The following KDM6A variants were observed in gnomAD, a reference collection of about 807,000 sequenced individuals.
KDM6A encodes lysine demethylase 6A.
In KDM6A, 11 loss-of-function variants were observed where a neutral mutation model predicts 117.6. The observed-to-expected ratio is 0.09, with a 90% CI of 0.06 to 0.15. The LOEUF (loss-of-function observed/expected upper bound fraction) is 0.15, where lower values mean the gene tolerates loss of function less well. KDM6A is among the 10% of genes least tolerant of loss of function. The pLI, the probability that KDM6A is intolerant of heterozygous loss-of-function variation, is 1.00. For missense variants in KDM6A, 799 were observed against 1,077.3 expected (o/e 0.74, Z 3.62); for synonymous variants, 384 against 396.1 (o/e 0.97, Z 0.36).
At chrX:45,049,765 T>C (rs2043749262) in intron 8 of KDM6A, among the ~76,000 whole-genome samples, 1 of 112,348 alleles carries the variant, frequency 8.9e-6, no homozygotes, top group South Asian at 3.7e-4. Flanking sequence ...TCCAGCCTGC[T>C]AGTACTCTAA....
chrX:44,971,454 T>C (rs1282825319), intron 3 of KDM6A, among the ~76,000 whole-genome samples: 2 of 112,438 alleles, frequency 1.8e-5, no homozygotes, highest in African/African-American at 6.5e-5. Context: ...TATATGATTT[T>C]ATATATATTT....
rs188187305 is a variant in KDM6A at position 44,970,073 on chromosome X, C to T, written c.335-4593C>T. Among the ~76,000 whole-genome samples the T allele has an allele frequency of 1.1e-4, 12 of 112,021 alleles. No homozygotes were observed. The East Asian group carries it at 3.3e-3, about 31-fold the overall frequency. On this transcript the variant is annotated intron_variant, in intron 3 of 29. Coordinates refer to ENST00000611820, the MANE Select transcript of KDM6A (RefSeq NM_001291415.2). ...GGTGATGGGTACTTGCATACTGCAC[C>T]TTTAGAGTTTTAATGATTTTTTTTC...
chrX:44,928,212 A>G (rs1448268333), intron 2 of KDM6A, among the ~76,000 whole-genome samples: 1 of 112,414 alleles, frequency 8.9e-6, no homozygotes, highest in Non-Finnish European at 1.9e-5. Flanking sequence ...CTGAAAAGTG[A>G]TAACTACATT....
chrX:45,106,977 T>G, intron 27 of KDM6A: 2 of 179,524 alleles, frequency 1.1e-5, no homozygotes, highest in Middle Eastern at 2.2e-3. Flanking sequence ...TAGGTAGTGT[T>G]GATTAAAAAA....
At chrX:44,981,451 G>C (rs1388893879) in intron 4 of KDM6A, among the ~76,000 whole-genome samples, 1 of 111,758 alleles carries the variant, frequency 8.9e-6, no homozygotes, top group African/African-American at 3.3e-5. Flanking sequence ...CCCTCTCTGG[G>C]CATGTCACCC....
intron 9 of KDM6A, among the ~76,000 whole-genome samples, chrX:45,053,433 G>GAAAAAAC (rs998991030): frequency 2.7e-5 from 3 of 110,705 alleles, no homozygotes; most frequent in Non-Finnish European, 1.9e-5. Flanking sequence ...TCTGTCTCAG[G>GAAAAAAC]AAAAAACAAA....
At chrX:45,038,595 G>C (rs186672180) in intron 8 of KDM6A, among the ~76,000 whole-genome samples, 20 of 106,083 alleles carry the variant, frequency 1.9e-4, no homozygotes, top group African/African-American at 6.0e-4. Flanking sequence ...AACACATTTG[G>C]GGGGGGGTGG....
At chrX:44,954,068 AAAT>A (rs1243876094) in intron 2 of KDM6A, among the ~76,000 whole-genome samples, 8 of 109,777 alleles carry the variant, frequency 7.3e-5, no homozygotes, top group Admixed American at 2.0e-4. Context: ...AAAAAAAAAA[AAAT>A]AATAATAATA....
chrX:45,012,837 AGTGTAT>A (rs774951200), intron 5 of KDM6A, among the ~76,000 whole-genome samples: 8 of 111,661 alleles, frequency 7.2e-5, no homozygotes, highest in Non-Finnish European at 1.5e-4. Context: ...GTGTGTATAT[AGTGTAT>A]TATAATGATT....
intron 2 of KDM6A, among the ~76,000 whole-genome samples, chrX:44,879,607 A>G (rs924111121): frequency 1.8e-5 from 2 of 112,448 alleles, no homozygotes; most frequent in African/African-American, 6.5e-5. Context: ...TAGTATGAAG[A>G]TAGCATAGAT....
At chrX:44,950,078 G>A (rs1304818949) in intron 2 of KDM6A, among the ~76,000 whole-genome samples, 1 of 109,016 alleles carries the variant, frequency 9.2e-6, no homozygotes, top group Admixed American at 9.9e-5. Flanking sequence ...ATGCAGTGGC[G>A]CGATCTCTGC....
intron 3 of KDM6A, among the ~76,000 whole-genome samples, chrX:44,967,977 A>G (rs1484329642): frequency 8.9e-6 from 1 of 112,369 alleles, no homozygotes; most frequent in Non-Finnish European, 1.9e-5. Flanking sequence ...TTGTGGGAAA[A>G]TGGAGGCTCA....
At chrX:45,037,839 T>C in intron 8 of KDM6A, 150 bp downstream of exon 8, 1 of 456,966 alleles carries the variant, frequency 2.2e-6, no homozygotes, top group Non-Finnish European at 3.8e-6. Context: ...ACTCATTAAA[T>C]GTGATCAAGA....
intron 8 of KDM6A, among the ~76,000 whole-genome samples, chrX:45,041,729 G>C (rs2043227298): frequency 2.8e-5 from 3 of 107,665 alleles, no homozygotes; most frequent in Non-Finnish European, 5.8e-5. Flanking sequence ...CTTCCTAGAT[G>C]GGATGGCGGC....
rs181705313 is a variant in KDM6A at position 44,899,128 on chromosome X, C to T, written c.225+25141C>T. ...AAGCTTACCCTTTTATCTGCTTCTG[C>T]TTTGTGGTGGGGTGTGTGTGTGTTT... On this transcript the variant is annotated intron_variant, in intron 2 of 29. Transcript: ENST00000611820. 2.8e-3 allele frequency among the ~76,000 whole-genome samples: 258 copies of T among 90,879 alleles called. 2 individuals are homozygous for T. The highest frequency in any genetic ancestry group is 0.011 in the African/African-American group (249 of 23,200). The allele number at this position is 90,879 out of a possible 115,157, so 78.9% of individuals were successfully genotyped here. A position where few individuals can be genotyped will look rare whatever the true frequency, so the allele number is the denominator to read the frequency against.
rs1024863409 is a variant in KDM6A at position 45,039,485 on chromosome X, C to G, written c.654+1796C>G. 2.2e-4 allele frequency among the ~76,000 whole-genome samples: 23 copies of G among 104,925 alleles called. 1 individual carries two copies. In the South Asian group the frequency reaches 8.2e-3, roughly 37 times the overall value. 91.1% of individuals were successfully genotyped at this position (104,925 alleles called of 115,157 possible). A position where few individuals can be genotyped will look rare whatever the true frequency, so the allele number is the denominator to read the frequency against. ...GTAATGTGGGCACAGGGCCCTCCTCCCATTGATTCATTTGATAATTTTTTT... is the reference window on the plus strand; with the variant it reads ...GTAATGTGGGCACAGGGCCCTCCTCGCATTGATTCATTTGATAATTTTTTT... On this transcript the variant is annotated intron_variant, in intron 8 of 29. Coordinates refer to ENST00000611820, the MANE Select transcript of KDM6A (RefSeq NM_001291415.2).
At chrX:45,018,443 T>A (rs1393573982) in intron 5 of KDM6A, among the ~76,000 whole-genome samples, 3 of 111,716 alleles carry the variant, frequency 2.7e-5, no homozygotes, top group Admixed American at 1.9e-4. Context: ...TTTTTTAACC[T>A]CAGTTTGTTA....
intron 2 of KDM6A, among the ~76,000 whole-genome samples, chrX:44,930,199 A>G (rs940558427): frequency 2.7e-5 from 3 of 110,061 alleles, no homozygotes; most frequent in African/African-American, 9.9e-5. Context: ...TATATTCTAG[A>G]TATAAGTGCT....
chrX:45,050,978 T>G (rs1250775344), intron 8 of KDM6A, among the ~76,000 whole-genome samples: 1 of 111,576 alleles, frequency 9.0e-6, no homozygotes, highest in Non-Finnish European at 1.9e-5. Flanking sequence ...TTTGTACTTA[T>G]TTAGATTTTG....
Sources: allele counts gnomAD v4.1 joint callset (sites outside exome capture counted in the v4.1 genomes callset), GRCh38; gene constraint gnomAD v4.1.1; transcripts MANE v1.5; gene names NCBI Gene and HGNC (gene_info 2026-07-23, HGNC 2026-07-21).